The following DISC1 variants were observed in gnomAD, a reference collection of about 807,000 sequenced individuals.
The protein encoded by DISC1 is DISC1 scaffold protein.
DISC1 carries 57 observed loss-of-function variants against 84.5 expected under a neutral mutation model. The ratio of observed to expected loss-of-function variants is 0.67; its 90% confidence interval spans 0.55 to 0.84. The LOEUF (loss-of-function observed/expected upper bound fraction) is 0.84, where lower values mean the gene tolerates loss of function less well. Among genes scored for constraint, DISC1 ranks in the 40% least tolerant of loss-of-function variants. The pLI is 0.00. For missense variants in DISC1, 1,000 were observed against 1,057.8 expected, an observed-to-expected ratio of 0.95 and a Z score of 0.76; for synonymous variants, 411 against 415.2, an observed-to-expected ratio of 0.99 and a Z score of 0.12.
chr1:231,921,384 A>G (rs200913789), intron 9 of DISC1, among the ~76,000 whole-genome samples: 4 of 152,140 alleles, frequency 2.6e-5, no homozygotes, highest in Non-Finnish European at 5.9e-5. Flanking sequence ...GTCAGCTTCA[A>G]TTTGTTCTCA....
At chr1:231,636,764 T>C (rs1009453613) in intron 1 of DISC1, among the ~76,000 whole-genome samples, 2 of 152,202 alleles carry the variant, frequency 1.3e-5, no homozygotes, top group Non-Finnish European at 2.9e-5. Flanking sequence ...TGAATTTATA[T>C]TGACACTACC....
intron 9 of DISC1, among the ~76,000 whole-genome samples, chr1:231,906,339 T>G (rs1387458922): frequency 6.6e-6 from 1 of 152,152 alleles, no homozygotes; most frequent in Non-Finnish European, 1.5e-5. Flanking sequence ...TGGATTTTGA[T>G]CCATGAATCA....
At chr1:231,654,446 CGT>C (rs1039919206) in intron 1 of DISC1, among the ~76,000 whole-genome samples, 44 of 151,786 alleles carry the variant, frequency 2.9e-4, no homozygotes, top group African/African-American at 1.0e-3. Flanking sequence ...CATCATTTCA[CGT>C]GTGTGTGTGG....
At chr1:231,953,675 G>T (rs143949304) in intron 9 of DISC1, among the ~76,000 whole-genome samples, 1 of 152,240 alleles carries the variant, frequency 6.6e-6, no homozygotes, top group African/African-American at 2.4e-5. Flanking sequence ...GAAATCTGAT[G>T]ACTTATTTTC....
intron 3 of DISC1, among the ~76,000 whole-genome samples, chr1:231,747,087 G>C (rs2074069978): frequency 6.6e-6 from 1 of 152,004 alleles, no homozygotes; most frequent in Admixed American, 6.6e-5. Flanking sequence ...ACACCACCAT[G>C]CCTGGCTAAT....
chr1:231,792,475 TTGTG>T (rs1051309443), intron 6 of DISC1, among the ~76,000 whole-genome samples: 1 of 152,230 alleles, frequency 6.6e-6, no homozygotes, highest in African/African-American at 2.4e-5. Context: ...GGGCTAGTCT[TTGTG>T]TGTGATTGGG....
intron 3 of DISC1, among the ~76,000 whole-genome samples, chr1:231,728,306 T>C (rs148509319): frequency 1.5e-3 from 226 of 152,370 alleles, no homozygotes; most frequent in African/African-American, 5.1e-3. Context: ...AAAGTGAGAC[T>C]GTCTTCTCAT....
chr1:231,913,769 T>C (rs764749393), intron 9 of DISC1, among the ~76,000 whole-genome samples: 7 of 152,194 alleles, frequency 4.6e-5, no homozygotes, highest in Non-Finnish European at 1.0e-4. Flanking sequence ...AAGTAGTATT[T>C]CCGGGTTGCA....
chr1:231,694,178 T>C lies in DISC1; in HGVS notation c.420T>C (p.Ser140=). ...DRLSWPCGPG[S]AGWQQEFAAM... ...TTAGCTGGCCGTGTGGCCCTGGGAG[T>C]GCTGGGTGGCAGCAAGAGTTTGCAG... is the stretch of plus-strand genomic sequence containing the variant. Residue 140 remains serine, a synonymous_variant, in exon 2 of 13, where the codon AGT becomes AGC. Transcript: ENST00000439617. 1 of 1,613,932 alleles carries C rather than the reference T, an allele frequency of 6.2e-7. No homozygotes were observed. Among genetic ancestry groups the C allele is most frequent in the South Asian group, 1.1e-5 (1 of 91,074 alleles).
At chr1:231,767,691 G>C (rs774428277) in intron 5 of DISC1, among the ~76,000 whole-genome samples, 4 of 152,224 alleles carry the variant, frequency 2.6e-5, no homozygotes, top group Non-Finnish European at 5.9e-5. Context: ...AAGCCGGGGA[G>C]TACAAAAAGG....
intron 11 of DISC1, among the ~76,000 whole-genome samples, chr1:232,024,298 CT>C (rs1307628756): frequency 1.3e-5 from 2 of 152,246 alleles, no homozygotes; most frequent in Non-Finnish European, 2.9e-5. Flanking sequence ...GTATACTAGA[CT>C]TCTCCAATAT....
At chr1:231,867,061 T>C (rs1191481029) in intron 9 of DISC1, among the ~76,000 whole-genome samples, 1 of 152,200 alleles carries the variant, frequency 6.6e-6, no homozygotes, top group Non-Finnish European at 1.5e-5. Context: ...TCACCAGTCT[T>C]CTTGAGGCCT....
At position 232,030,277 on chromosome 1, in the gene DISC1, C is replaced by T. The variant is rs181584277; in HGVS notation, c.2425+3725C>T. ...ATTTTGACTGTGTGCAAGGTCTCCT[C>T]CACGCTCAAAATATTGTAACCAAAA... is the stretch of plus-strand genomic sequence containing the variant. On this transcript the variant is annotated intron_variant, in intron 12 of 12. Coordinates refer to ENST00000439617, the MANE Select transcript of DISC1 (RefSeq NM_018662.3). 2.0e-3 allele frequency among the ~76,000 whole-genome samples: 303 copies of T among 152,286 alleles called. 1 individual carries two copies. Among genetic ancestry groups the T allele is most frequent in the Admixed American group, 4.6e-3 (70 of 15,306 alleles).
intron 1 of DISC1, among the ~76,000 whole-genome samples, chr1:231,644,861 A>T (rs201434748): frequency 3.3e-5 from 5 of 151,836 alleles, no homozygotes; most frequent in African/African-American, 4.8e-5. Flanking sequence ...TGCATTTAGC[A>T]CGTGGACTCT....
At chr1:231,722,241 A>G (rs1268808197) in intron 3 of DISC1, among the ~76,000 whole-genome samples, 1 of 151,940 alleles carries the variant, frequency 6.6e-6, no homozygotes, top group Non-Finnish European at 1.5e-5. Context: ...AAAGGAAGAG[A>G]TTCCTCCCAA....
chr1:232,021,761 T>C (rs1316531096), intron 11 of DISC1, among the ~76,000 whole-genome samples: 1 of 152,236 alleles, frequency 6.6e-6, no homozygotes, highest in Non-Finnish European at 1.5e-5. Context: ...GAACTATTTA[T>C]GATATTCGTG....
chr1:231,944,788 C>A (rs925889009), intron 9 of DISC1: 1 of 152,174 alleles, frequency 6.6e-6, no homozygotes, highest in African/African-American at 2.4e-5. Context: ...GCGGAAGTTA[C>A]AATCCTAATC....
In DISC1 at chr1:231,958,975, G is replaced by C. The variant is rs1296875773; in HGVS notation, c.2042+87G>C. The C allele has an allele frequency of 2.0e-6, 3 of 1,503,934 alleles. No homozygotes were observed. The African/African-American group carries it at 4.3e-5, about 21-fold the overall frequency. The allele number at this position is 1,503,934 out of a possible 1,614,324, so 93.2% of individuals were successfully genotyped here. Reference sequence around the variant, plus strand: ...GAATTTAGTTAAATCGATGAAAAAGGCTGGCCAGTTTCTCTAATAAATTAA... The same window carrying C: ...GAATTTAGTTAAATCGATGAAAAAGCCTGGCCAGTTTCTCTAATAAATTAA... On this transcript the variant is annotated intron_variant, in intron 10 of 12. Transcript: ENST00000439617.
Position 232,026,498 on chromosome 1 carries a change from T to C in DISC1, c.2371T>C (p.Tyr791His), listed in dbSNP as rs759721497. The C allele has an allele frequency of 3.7e-6, 6 of 1,608,694 alleles. No homozygotes were observed. The highest frequency in any genetic ancestry group is 5.1e-6 in the Non-Finnish European group (6 of 1,177,456). Residue 791 changes from tyrosine (Y) to histidine (H), a missense_variant, in exon 12 of 13, where the codon TAC (tyrosine) becomes CAC (histidine). Physicochemically the swap from Tyr to His is moderately conservative, Grantham distance 83 (BLOSUM62 2). Around this residue, in one of 3 missense-constraint regions of DISC1, gnomAD observed 397 missense variants for 377.5 expected, o/e 1.05. Coordinates refer to ENST00000439617, the MANE Select transcript of DISC1 (RefSeq NM_018662.3). ...TGAAGACATAGGCAAGAAGCTATTG[T>C]ACTTGGAAGATCAACTTCACACAGC... ...KCEDIGKKLL[Y>H]LEDQLHTAIH...
Sources: allele counts gnomAD v4.1 joint callset (sites outside exome capture counted in the v4.1 genomes callset), GRCh38; gene constraint gnomAD v4.1.1; regional missense constraint gnomAD v4.1.1; transcripts MANE v1.5; gene names NCBI Gene and HGNC (gene_info 2026-07-23, HGNC 2026-07-21).